The following ASS1 variants were observed in gnomAD, a reference collection of about 807,000 sequenced individuals.
ASS1 encodes the protein argininosuccinate synthase.
ASS1 carries 58 observed loss-of-function variants against 60.5 expected under a neutral mutation model. That is an observed-to-expected ratio of 0.96 (90% CI 0.78 to 1.19). The LOEUF is 1.19. Among genes scored for constraint, ASS1 ranks in the 50% most tolerant of loss-of-function variants. The probability of loss-of-function intolerance (pLI) is 0.00; values close to 1 mark genes in which losing one functional copy is unlikely to be tolerated. For missense variants in ASS1, 454 were observed against 547.3 expected (o/e 0.83, Z 1.70); for synonymous variants, 200 against 206.9 (o/e 0.97, Z 0.29).
rs866436174 is a variant in ASS1, at chr9:130,450,425, A to G, written c.-5-1799A>G. The G allele has an allele frequency of 1.1e-5, 9 of 856,090 alleles. No individual in the cohort carries two copies. In the Middle Eastern group the frequency reaches 2.3e-3, roughly 218 times the overall value. 53.0% of individuals were successfully genotyped at this position (856,090 alleles called of 1,614,324 possible). ...TTGCCTGGCTGCAGTTGCCATGGATACCACCTGCTGGCTCCAGGGTTAGGG... is the reference window on the plus strand; with the variant it reads ...TTGCCTGGCTGCAGTTGCCATGGATGCCACCTGCTGGCTCCAGGGTTAGGG... On this transcript the variant is annotated intron_variant, in intron 1 of 14. Transcript: ENST00000352480.
chr9:130,484,882 A>G (rs1846270415), intron 11 of ASS1, among the ~76,000 whole-genome samples: 1 of 152,150 alleles, frequency 6.6e-6, no homozygotes. Flanking sequence ...TTGATCCGTC[A>G]CAATTAACAC....
chr9:130,486,066 A>C (rs1288620492), intron 11 of ASS1, among the ~76,000 whole-genome samples: 2 of 152,050 alleles, frequency 1.3e-5, no homozygotes, highest in Non-Finnish European at 1.5e-5. Context: ...GACTCACTGC[A>C]GCCTCAACCT....
upstream of ASS1, among the ~76,000 whole-genome samples, chr9:130,444,773 G>A (rs549811473): frequency 7.2e-5 from 11 of 152,020 alleles, no homozygotes; most frequent in Admixed American, 3.3e-4. This position sits in a 1 kb window ranked among gnomAD's most constrained non-coding sequence, Gnocchi z 4.7. Flanking sequence ...GAGGCGGGGG[G>A]AGGTGGGGAC....
intron 11 of ASS1, among the ~76,000 whole-genome samples, chr9:130,487,031 C>A (rs1173730151): frequency 6.6e-6 from 1 of 152,178 alleles, no homozygotes; most frequent in Non-Finnish European, 1.5e-5. Flanking sequence ...TGGTATTAGG[C>A]AAGCCACCCC....
Position 130,454,360 on chromosome 9 carries a change from T to C in ASS1, c.161T>C (p.Leu54Pro). ...FEEARKKALK[L>P]GAKKVFIEDV... Reference sequence around the variant, plus strand: ...GAAGCCAGGAAGAAGGCACTGAAGCTTGGGGCCAAAAAGGTACCAGGCGGG... The same window carrying C: ...GAAGCCAGGAAGAAGGCACTGAAGCCTGGGGCCAAAAAGGTACCAGGCGGG... Residue 54 changes from leucine to proline, a missense_variant, in exon 3 of 15, where the codon CTT (leucine) becomes CCT (proline). Coordinates refer to ENST00000352480, the MANE Select transcript of ASS1 (RefSeq NM_054012.4). 6.2e-7 allele frequency: 1 copy of C among 1,613,788 alleles called. No homozygotes were observed. The highest frequency in any genetic ancestry group is 1.7e-4 in the Middle Eastern group (1 of 5,988).
At chr9:130,496,282 G>A (rs775746870) in intron 13 of ASS1, among the ~76,000 whole-genome samples, 38 of 152,012 alleles carry the variant, frequency 2.5e-4, no homozygotes, top group African/African-American at 8.7e-4. Flanking sequence ...TTAGCTAAGC[G>A]TGGTGGCATG....
At chr9:130,455,056 C>T (rs1025973784) in intron 3 of ASS1, among the ~76,000 whole-genome samples, 2 of 124,456 alleles carry the variant, frequency 1.6e-5, no homozygotes, top group African/African-American at 2.7e-5. Context: ...ATCCATCATC[C>T]ATCCATCCAT....
At chr9:130,479,111 C>A (rs1201385813) in intron 9 of ASS1, among the ~76,000 whole-genome samples, 3 of 152,036 alleles carry the variant, frequency 2.0e-5, no homozygotes, top group Admixed American at 1.3e-4. Context: ...TGCCCCCACC[C>A]AACCCCTTCC....
intron 13 of ASS1, among the ~76,000 whole-genome samples, chr9:130,496,756 G>A (rs1231433308): frequency 3.9e-5 from 6 of 152,162 alleles, no homozygotes; most frequent in Admixed American, 6.5e-5. Context: ...TCCTGTGTCC[G>A]CCCCGTGGAT....
chr9:130,480,476 C>T, intron 11 of ASS1, 27 bp downstream of exon 11: 1 of 1,612,290 alleles, frequency 6.2e-7, no homozygotes, highest in Non-Finnish European at 8.5e-7. Context: ...TCCCTCAGGG[C>T]CTGCCTCGGG....
Position 130,456,397 on chromosome 9 carries a change from C to T in ASS1, c.175-2004C>T, listed in dbSNP as rs532152566. 2.9e-3 allele frequency among the ~76,000 whole-genome samples: 446 copies of T among 151,952 alleles called. 2 individuals carry two copies. In the Middle Eastern group the frequency reaches 0.045, roughly 15 times the overall value. On this transcript the variant is annotated intron_variant, in intron 3 of 14. Coordinates refer to ENST00000352480, the MANE Select transcript of ASS1 (RefSeq NM_054012.4). The stretch of plus-strand genomic sequence containing the variant: ...AGGAGAGTCGCTTGAACCCAGGAGG[C>T]GGAGGTTGCAGTAAGCTGAAATCAC...
At chr9:130,449,138 C>G (rs998830945) in intron 1 of ASS1, among the ~76,000 whole-genome samples, 2 of 152,012 alleles carry the variant, frequency 1.3e-5, no homozygotes, top group African/African-American at 4.8e-5. Context: ...CGAGTCCAGC[C>G]TGGGCAATGT....
At chr9:130,452,090 C>A (rs1845340296) in intron 1 of ASS1, 134 bp from the exon 2 acceptor site, 1 of 780,242 alleles carries the variant, frequency 1.3e-6, no homozygotes, top group Non-Finnish European at 2.2e-6. Context: ...ACATCCTGTT[C>A]CCGACCTTCA....
At position 130,477,034 on chromosome 9, in the gene ASS1, G is replaced by A; in HGVS notation, c.688+73G>A. The A allele has an allele frequency of 6.7e-7, 1 of 1,491,822 alleles. No homozygotes were observed. The allele number at this position is 1,491,822 out of a possible 1,614,324, so 92.4% of individuals were successfully genotyped here. ...CTGGCTCCTTTCCCCTCCCTGCCTG[G>A]GAACCTAGGCCCTCTTTACCCCCGC... On this transcript the variant is annotated intron_variant, in intron 9 of 14. Transcript: ENST00000352480. The surrounding 1 kb of genome is among the most constrained non-coding windows in gnomAD (Gnocchi z 4.2).
In ASS1 at chr9:130,470,690, C is replaced by T. The variant is rs944153292; in HGVS notation, c.496-144C>T. The T allele has an allele frequency of 2.6e-5, 22 of 834,824 alleles. No individual in the cohort carries two copies. Among genetic ancestry groups the T allele is most frequent in the Non-Finnish European group, 3.3e-5 (16 of 483,130 alleles). The allele number at this position is 834,824 out of a possible 1,614,324, so 51.7% of individuals were successfully genotyped here. On this transcript the variant is annotated intron_variant, in intron 6 of 14. Transcript: ENST00000352480. This position sits in a 1 kb window ranked among gnomAD's most constrained non-coding sequence, Gnocchi z 4.3. ...AATAGGGTCCCCCCAGGGAGGTGAC[C>T]GTGACCAACACTAGGAGGTAGCCAG...
At chr9:130,480,870 C>G (rs775163804) in intron 11 of ASS1, among the ~76,000 whole-genome samples, 1 of 152,190 alleles carries the variant, frequency 6.6e-6, no homozygotes, top group Non-Finnish European at 1.5e-5. Context: ...CAGGGGTGGG[C>G]GCTGTGGCTG....
chr9:130,457,072 TCAAA>T (rs1845465575), intron 3 of ASS1, among the ~76,000 whole-genome samples: 1 of 152,360 alleles, frequency 6.6e-6, no homozygotes, highest in East Asian at 1.9e-4. Flanking sequence ...AACTATTTTC[TCAAA>T]CAAAAAATTT....
intron 1 of ASS1, among the ~76,000 whole-genome samples, chr9:130,450,796 G>T (rs2131865932): frequency 6.6e-6 from 1 of 152,368 alleles, no homozygotes; most frequent in South Asian, 2.1e-4. Context: ...TCACTGCAAT[G>T]GTGATGGCCG....
At chr9:130,465,132 T>C (rs1588481963) in intron 5 of ASS1, among the ~76,000 whole-genome samples, 1 of 150,776 alleles carries the variant, frequency 6.6e-6, no homozygotes, top group South Asian at 2.1e-4. Flanking sequence ...CACTGCAACC[T>C]CTGCCTCCCA....
Sources: allele counts gnomAD v4.1 joint callset (sites outside exome capture counted in the v4.1 genomes callset), GRCh38; gene constraint gnomAD v4.1.1; non-coding constraint Gnocchi (gnomAD v3.1); transcripts MANE v1.5; gene names NCBI Gene and HGNC (gene_info 2026-07-23, HGNC 2026-07-21).